SLC39A11: variants seen among roughly 807,000 people sequenced by gnomAD.
SLC39A11 encodes solute carrier family 39 member 11.
Under a neutral mutation model 36.1 loss-of-function variants are expected in SLC39A11, and 33 were observed. The observed-to-expected ratio is 0.91, with a 90% confidence interval of 0.69 to 1.22. SLC39A11 has a LOEUF of 1.22. Among genes scored for constraint, SLC39A11 ranks in the 50% most tolerant of loss-of-function variants. The pLI, the probability that SLC39A11 is intolerant of heterozygous loss-of-function variation, is 0.00. For missense variants in SLC39A11, 432 were observed against 430.3 expected, an observed-to-expected ratio of 1.00 and a Z score of -0.03; for synonymous variants, 166 against 170.3, an observed-to-expected ratio of 0.97 and a Z score of 0.20.
chr17:72,853,897 G>A (rs763466130), intron 5 of SLC39A11, among the ~76,000 whole-genome samples: 2 of 152,178 alleles, frequency 1.3e-5, no homozygotes, highest in Non-Finnish European at 2.9e-5. Context: ...CAATTGCCAA[G>A]CACCTTGTGG....
At chr17:72,861,740 TTATATATATATA>T (rs71945815) in intron 5 of SLC39A11, among the ~76,000 whole-genome samples, 4,866 of 67,240 alleles carry the variant, frequency 0.072, 211 homozygotes, top group Non-Finnish European at 0.087. Context: ...ACATTGGAGA[TTATATATATATA>T]TATATATATA....
At chr17:72,841,350 G>T (rs768195959) in intron 6 of SLC39A11, among the ~76,000 whole-genome samples, 1 of 152,258 alleles carries the variant, frequency 6.6e-6, no homozygotes, top group East Asian at 1.9e-4. Context: ...ACACACAATG[G>T]CGTATTATTC....
chr17:72,769,818 C>T (rs1164559177), intron 6 of SLC39A11, among the ~76,000 whole-genome samples: 2 of 152,180 alleles, frequency 1.3e-5, no homozygotes, highest in East Asian at 3.9e-4. Flanking sequence ...GCTGGGATTA[C>T]ACCGAGCCTG....
chr17:72,729,457 A>ATTTTTTTTTTTTTT (rs55729197), intron 7 of SLC39A11, among the ~76,000 whole-genome samples: 3 of 7,230 alleles, frequency 4.1e-4, no homozygotes, highest in Non-Finnish European at 6.4e-4. Flanking sequence ...ATATATATAT[A>ATTTTTTTTTTTTTT]TTTTTTTTTT....
In SLC39A11 at chr17:72,769,905, C is replaced by T. The variant is rs141837238; in HGVS notation, c.602-33186G>A. 8.5e-5 allele frequency among the ~76,000 whole-genome samples: 13 copies of T among 152,294 alleles called. No individual in the cohort carries two copies. The South Asian group carries it at 1.9e-3, about 22-fold the overall frequency. The stretch of plus-strand genomic sequence containing the variant: ...CAGAAAAATGCAACTGTTTGTATCT[C>T]ACCTATCTGTGACCTGGAAGCTCCC... On this transcript the variant is annotated intron_variant, in intron 6 of 9. Transcript: ENST00000255559.
chr17:72,992,507 G>A (rs1281223343), intron 4 of SLC39A11, among the ~76,000 whole-genome samples: 1 of 152,050 alleles, frequency 6.6e-6, no homozygotes, highest in East Asian at 1.9e-4. Flanking sequence ...TTTTTACTGT[G>A]CACGGTTTGC....
rs529502000 is a variant in SLC39A11 at position 72,971,427 on chromosome 17, C to T, written c.307-23552G>A. Among the ~76,000 whole-genome samples the T allele has an allele frequency of 1.6e-4, 25 of 152,152 alleles. No homozygotes were observed. The East Asian group carries it at 4.6e-3, about 28-fold the overall frequency. ...GCCCACTGCTCAACTTCCCCTCCCA[C>T]AGGAAATGGCACAGCGCCCCCCGAT... On this transcript the variant is annotated intron_variant, in intron 4 of 9. Coordinates refer to ENST00000255559, the MANE Select transcript of SLC39A11 (RefSeq NM_139177.4).
intron 5 of SLC39A11, among the ~76,000 whole-genome samples, chr17:72,854,472 T>C (rs1217845088): frequency 1.3e-5 from 2 of 152,134 alleles, no homozygotes; most frequent in Non-Finnish European, 2.9e-5. Flanking sequence ...CTATAATCAT[T>C]CTTACTTGCA....
At chr17:73,033,123 A>G (rs905333224) in intron 3 of SLC39A11, among the ~76,000 whole-genome samples, 1 of 152,200 alleles carries the variant, frequency 6.6e-6, no homozygotes, top group Non-Finnish European at 1.5e-5. Flanking sequence ...ACAGTTCACA[A>G]TAGGGTTCAC....
intron 6 of SLC39A11, among the ~76,000 whole-genome samples, chr17:72,775,501 A>C (rs960524358): frequency 1.3e-5 from 2 of 152,220 alleles, no homozygotes; most frequent in African/African-American, 4.8e-5. Context: ...TAGAGAGTAG[A>C]AAGCCGAGCT....
intron 6 of SLC39A11, among the ~76,000 whole-genome samples, chr17:72,789,096 G>A (rs778074220): frequency 4.0e-5 from 6 of 151,222 alleles, no homozygotes; most frequent in Non-Finnish European, 7.4e-5. Context: ...ATGCAGTGGC[G>A]CAATCTCAGC....
chr17:72,959,317 G>GTA (rs2147896410), intron 4 of SLC39A11, among the ~76,000 whole-genome samples: 1 of 50,054 alleles, frequency 2.0e-5, no homozygotes, highest in Non-Finnish European at 3.7e-5. Context: ...ATGTATGTGT[G>GTA]TGTGTGTGTA....
intron 6 of SLC39A11, among the ~76,000 whole-genome samples, chr17:72,843,560 G>C (rs374999547): frequency 6.6e-6 from 1 of 152,106 alleles, no homozygotes; most frequent in East Asian, 1.9e-4. Flanking sequence ...AGGATACAAC[G>C]AGAAGACAGT....
chr17:72,728,619 T>C (rs1031756542), intron 7 of SLC39A11, among the ~76,000 whole-genome samples: 2 of 152,136 alleles, frequency 1.3e-5, no homozygotes, highest in African/African-American at 4.8e-5. Context: ...AACAAATGGG[T>C]GCGCGTATGC....
intron 6 of SLC39A11, among the ~76,000 whole-genome samples, chr17:72,787,434 T>C (rs2076559661): frequency 6.6e-6 from 1 of 151,964 alleles, no homozygotes; most frequent in South Asian, 2.1e-4. Context: ...ATTTTTCGTA[T>C]TTTTAGTAAA....
chr17:72,673,228 C>T (rs2071095720), intron 7 of SLC39A11, among the ~76,000 whole-genome samples: 1 of 152,118 alleles, frequency 6.6e-6, no homozygotes, highest in African/African-American at 2.4e-5. Flanking sequence ...CCTCAGCCTC[C>T]TGAGTAGCTG....
intron 8 of SLC39A11, 53 bp from the exon 9 acceptor site, chr17:72,649,014 C>A: frequency 3.8e-6 from 6 of 1,581,702 alleles, no homozygotes; most frequent in Non-Finnish European, 4.3e-6. Flanking sequence ...AGCAGACACT[C>A]CACGTGCCCA....
At chr17:73,069,893 CA>C (rs1568223521) in intron 3 of SLC39A11, among the ~76,000 whole-genome samples, 1 of 152,154 alleles carries the variant, frequency 6.6e-6, no homozygotes, top group African/African-American at 2.4e-5. Flanking sequence ...GCTAGCTAAA[CA>C]CTCAATTAGG....
At chr17:72,804,214 A>G (rs2077182744) in intron 6 of SLC39A11, among the ~76,000 whole-genome samples, 1 of 152,130 alleles carries the variant, frequency 6.6e-6, no homozygotes, top group African/African-American at 2.4e-5. Flanking sequence ...GCCAGGATGT[A>G]AACACTATCT....
Sources: allele counts gnomAD v4.1 joint callset (sites outside exome capture counted in the v4.1 genomes callset), GRCh38; gene constraint gnomAD v4.1.1; transcripts MANE v1.5; gene names NCBI Gene and HGNC (gene_info 2026-07-23, HGNC 2026-07-21).